The following FBRSL1 variants were observed in gnomAD, a reference collection of about 807,000 sequenced individuals.
The protein encoded by FBRSL1 is fibrosin like 1.
In FBRSL1, 51 loss-of-function variants were observed where a neutral mutation model predicts 89.6. The observed-to-expected ratio is 0.57, with a 90% CI of 0.45 to 0.72. The LOEUF (loss-of-function observed/expected upper bound fraction) is 0.72. Among genes scored for constraint, FBRSL1 ranks in the 30% least tolerant of loss-of-function variants. The pLI is 0.00. For synonymous variants in FBRSL1, 779 were observed against 681.1 expected, an observed-to-expected ratio of 1.14 and a Z score of -2.24; for missense variants, 1,618 against 1,451.8, an observed-to-expected ratio of 1.11 and a Z score of -1.86.
intron 18 of FBRSL1, 63 bp from the exon 19 acceptor site, chr12:132,582,908 G>A (rs1398466226): frequency 2.3e-6 from 3 of 1,279,606 alleles, no homozygotes; most frequent in Admixed American, 4.2e-5. Context: ...GGAACATCCC[G>A]GGGCTGCGCC....
chr12:132,538,963 T>C (rs1318649866), intron 4 of FBRSL1, among the ~76,000 whole-genome samples: 1 of 152,048 alleles, frequency 6.6e-6, no homozygotes, highest in African/African-American at 2.4e-5. Context: ...CCTCCAGGGC[T>C]TCTGCCACAG....
intron 15 of FBRSL1, among the ~76,000 whole-genome samples, chr12:132,578,712 C>G (rs1406983463): frequency 2.1e-5 from 1 of 48,498 alleles, no homozygotes; most frequent in Non-Finnish European, 3.7e-5. Context: ...AGCTCCCAAC[C>G]CCCGCTGCAG....
intron 17 of FBRSL1, 86 bp from the exon 18 acceptor site, chr12:132,581,976 C>A: frequency 7.5e-7 from 1 of 1,330,718 alleles, no homozygotes; most frequent in Non-Finnish European, 1.0e-6. Flanking sequence ...AGCCTGGGAC[C>A]CTTCTAAAAC....
At chr12:132,508,767 G>A (rs1299177155) in intron 2 of FBRSL1, among the ~76,000 whole-genome samples, 4 of 152,260 alleles carry the variant, frequency 2.6e-5, no homozygotes, top group African/African-American at 7.2e-5. Flanking sequence ...CCGCTCACGT[G>A]TGCGGCGTGG....
chr12:132,563,709 T>C (rs116147329), intron 5 of FBRSL1, among the ~76,000 whole-genome samples: 2,592 of 144,550 alleles, frequency 0.018, 68 homozygotes, highest in African/African-American at 0.059. Context: ...TACGACTGTA[T>C]ACCCACCCCC....
Position 132,581,804 on chromosome 12 carries a change from G to C in FBRSL1, c.1976G>C (p.Gly659Ala). ...LGSLSSHAFG[G>A]LGSHALAPGG... ...AGCCTGAGCAGCCACGCCTTTGGGG[G>C]CCTGGGCAGCCATGCACTGGGTGAG... The change falls in exon 17 of 19, where the codon GGC becomes GCC. Residue 659 changes from glycine (G) to alanine (A), a missense_variant. Transcript: ENST00000680143. 1 of 1,548,468 alleles carries C rather than the reference G, an allele frequency of 6.5e-7. No homozygotes were observed. Among genetic ancestry groups the C allele is most frequent in the Non-Finnish European group, 8.7e-7 (1 of 1,145,976 alleles).
chr12:132,582,013 C>T (rs1298800020), intron 17 of FBRSL1, 49 bp from the exon 18 acceptor site: 8 of 1,459,716 alleles, frequency 5.5e-6, no homozygotes, highest in Middle Eastern at 2.3e-4. Context: ...TGGGGAGTGG[C>T]TGGGGAGCAG....
At chr12:132,505,744 C>G (rs931146786) in intron 1 of FBRSL1, among the ~76,000 whole-genome samples, 1 of 152,226 alleles carries the variant, frequency 6.6e-6, no homozygotes, top group Non-Finnish European at 1.5e-5. Context: ...TGTGGGGCCT[C>G]TGAAACCTGC....
chr12:132,558,548 G>A (rs570918233), intron 5 of FBRSL1, among the ~76,000 whole-genome samples: 1 of 152,256 alleles, frequency 6.6e-6, no homozygotes, highest in African/African-American at 2.4e-5. Flanking sequence ...TTGGTAAAGG[G>A]AGTACGTGTA....
At chr12:132,493,959 A>G (rs947810062) in intron 1 of FBRSL1, among the ~76,000 whole-genome samples, 2 of 151,402 alleles carry the variant, frequency 1.3e-5, no homozygotes, top group Admixed American at 6.6e-5. Flanking sequence ...TTAACTGCCC[A>G]TAGAGATGGG....
At chr12:132,515,927 AAGGT>A (rs892286383) in intron 2 of FBRSL1, among the ~76,000 whole-genome samples, 10 of 151,512 alleles carry the variant, frequency 6.6e-5, no homozygotes, top group Non-Finnish European at 1.0e-4. Context: ...AAAAATTAAT[AAGGT>A]AGGAAACAGA....
rs1211047870 is a variant in FBRSL1, at chr12:132,583,656, G to T, written c.2887G>T (p.Ala963Ser). 3.0e-5 allele frequency: 32 copies of T among 1,051,620 alleles called. 1 individual carries two copies. Among genetic ancestry groups the T allele is most frequent in the Non-Finnish European group, 3.1e-5 (27 of 871,922 alleles). 65.1% of individuals were successfully genotyped at this position (1,051,620 alleles called of 1,614,324 possible). The change falls in exon 19 of 19, where the codon GCC becomes TCC. Residue 963 changes from alanine (A) to serine (S), a missense_variant. Coordinates refer to ENST00000680143, the MANE Select transcript of FBRSL1 (RefSeq NM_001367871.1). ...LGAPPPLVTA[A>S]GPPTPPGPPR... ...CGCACCGCCCCCCCTGGTGACGGCGGCCGGGCCCCCCACGCCCCCCGGGCC... is the reference window on the plus strand; with the variant it reads ...CGCACCGCCCCCCCTGGTGACGGCGTCCGGGCCCCCCACGCCCCCCGGGCC...
chr12:132,521,318 C>T (rs765308449), intron 2 of FBRSL1, among the ~76,000 whole-genome samples: 3 of 152,312 alleles, frequency 2.0e-5, no homozygotes, highest in South Asian at 2.1e-4. Flanking sequence ...GCGGCAGCTC[C>T]GCCTCTGCAT....
At chr12:132,537,582 G>T (rs1040588505) in intron 4 of FBRSL1, among the ~76,000 whole-genome samples, 73 of 152,346 alleles carry the variant, frequency 4.8e-4, no homozygotes, top group Non-Finnish European at 3.4e-4. Context: ...TGCTAAGCAG[G>T]TGTCTAATTC....
At chr12:132,494,040 C>T (rs1456851790) in intron 1 of FBRSL1, among the ~76,000 whole-genome samples, 5 of 152,136 alleles carry the variant, frequency 3.3e-5, no homozygotes, top group East Asian at 1.9e-4. Flanking sequence ...GGTGGGGCGG[C>T]GCGGCAGACC....
At chr12:132,574,431 G>T (rs1300295898) in intron 13 of FBRSL1, 62 bp from the exon 14 acceptor site, 1 of 1,548,588 alleles carries the variant, frequency 6.5e-7, no homozygotes, top group Non-Finnish European at 8.7e-7. Flanking sequence ...GACAGCAGGA[G>T]TCTGCAGAAA....
chr12:132,575,006 G>T (rs549579825), intron 14 of FBRSL1, among the ~76,000 whole-genome samples: 162 of 152,114 alleles, frequency 1.1e-3, no homozygotes, highest in African/African-American at 2.2e-3. Flanking sequence ...GAAGGCGGGA[G>T]CCCCGCGGGC....
intron 4 of FBRSL1, among the ~76,000 whole-genome samples, chr12:132,540,754 C>CG (rs998080350): frequency 1.3e-5 from 2 of 152,088 alleles, no homozygotes; most frequent in East Asian, 1.9e-4. Flanking sequence ...CTGCCTCACC[C>CG]GGGGGGGCCC....
At position 132,508,157 on chromosome 12, in the gene FBRSL1, A is replaced by G. The variant is rs1471858239; in HGVS notation, c.296A>G (p.Asp99Gly). 1.3e-6 allele frequency: 2 copies of G among 1,551,072 alleles called. No homozygotes were observed. Among genetic ancestry groups the G allele is most frequent in the Non-Finnish European group, 8.7e-7 (1 of 1,146,912 alleles). ...SFSTLEALEK[D>G]MALKPHERKE... ...CGTTTCCCTGTCTCCCTGCAGAAGG[A>G]TATGGCCCTGAAGCCACATGAGCGG... The change falls in exon 2 of 19, where the codon GAT becomes GGT. Residue 99 changes from aspartate to glycine, a missense_variant. By Grantham distance (94) the Asp-to-Gly change is moderately conservative. Transcript: ENST00000680143.
Sources: allele counts gnomAD v4.1 joint callset (sites outside exome capture counted in the v4.1 genomes callset), GRCh38; gene constraint gnomAD v4.1.1; transcripts MANE v1.5; gene names NCBI Gene and HGNC (gene_info 2026-07-23, HGNC 2026-07-21).